LRRC27: variants seen among roughly 807,000 people sequenced by gnomAD.
The protein encoded by LRRC27 is leucine-rich repeat-containing protein 27.
A neutral mutation model predicts 55.0 loss-of-function variants in LRRC27; 57 were observed. The observed-to-expected ratio is 1.04, with a 90% CI of 0.84 to 1.29. LRRC27 has a LOEUF of 1.29. LRRC27 is among the 50% of genes most tolerant of loss of function. The pLI is 0.00. For synonymous variants in LRRC27, 278 were observed against 251.9 expected, an observed-to-expected ratio of 1.10 and a Z score of -0.98; for missense variants, 721 against 651.5, an observed-to-expected ratio of 1.11 and a Z score of -1.16.
rs140703077 is a variant in LRRC27, at chr10:132,344,589, C to T, written c.492C>T (p.Ile164=). The T allele has an allele frequency of 7.4e-6, 12 of 1,614,070 alleles. No individual in the cohort carries two copies. Among genetic ancestry groups the T allele is most frequent in the Admixed American group, 5.0e-5 (3 of 60,006 alleles). ...TTGTGCAGAAGGGATTGGTGGCTAT[C>T]CAGCGCTTCCTGCGGATGTGGGCAG... ...QLVVQKGLVA[I]QRFLRMWAVE... is the part of the protein sequence containing the mutation. The change falls in exon 5 of 11, where the codon ATC becomes ATT. Residue 164 remains isoleucine, a synonymous_variant. Coordinates refer to ENST00000368614, the MANE Select transcript of LRRC27 (RefSeq NM_030626.3).
Position 132,348,216 on chromosome 10 carries a change from T to C in LRRC27, c.786T>C (p.Phe262=), listed in dbSNP as rs1460599330. The change falls in exon 6 of 11, where the codon TTT becomes TTC. Residue 262 remains phenylalanine, a synonymous_variant. Transcript: ENST00000368614. The surrounding 1 kb of genome is among the most constrained non-coding windows in gnomAD (Gnocchi z 4.2). ...NWPSEEEIRR[F]WKLRQEIVEH... Reference sequence around the variant, plus strand: ...CCAGCGAGGAGGAGATCAGGCGCTTTTGGAAGCTGAGGCAGGAGATTGTTG... The same window carrying C: ...CCAGCGAGGAGGAGATCAGGCGCTTCTGGAAGCTGAGGCAGGAGATTGTTG... 36 of 1,613,848 alleles carry C rather than the reference T, an allele frequency of 2.2e-5. No homozygotes were observed. Among genetic ancestry groups the C allele is most frequent in the Non-Finnish European group, 3.1e-5 (36 of 1,180,028 alleles).
chr10:132,351,456 C>G, intron 6 of LRRC27, 151 bp from the exon 7 acceptor site: 1 of 849,726 alleles, frequency 1.2e-6, no homozygotes, highest in Non-Finnish European at 1.9e-6. Flanking sequence ...ACAGTCAAGA[C>G]TGGACTCTGG....
chr10:132,346,499 AC>A (rs942628301), intron 5 of LRRC27, among the ~76,000 whole-genome samples: 77 of 152,216 alleles, frequency 5.1e-4, no homozygotes, highest in African/African-American at 1.6e-3. Context: ...ACATGGTGAA[AC>A]CCTGTCTCTA....
chr10:132,348,048 A>G lies in LRRC27; in HGVS notation c.618A>G (p.Gly206=). The G allele has an allele frequency of 6.2e-7, 1 of 1,613,826 alleles. No individual in the cohort carries two copies. The highest frequency in any genetic ancestry group is 8.5e-7 in the Non-Finnish European group (1 of 1,180,018). ...CGAGCCCAGGACTGGAGTTGTCTGG[A>G]GACCACGCGTCTAACCAAGGAGCTG... ...DLPSPGLELS[G]DHASNQGAVN... Residue 206 remains glycine (G), a synonymous_variant, in exon 6 of 11, where the codon GGA becomes GGG. Transcript: ENST00000368614. This position sits in a 1 kb window ranked among gnomAD's most constrained non-coding sequence, Gnocchi z 4.2.
intron 10 of LRRC27, among the ~76,000 whole-genome samples, chr10:132,371,798 C>T (rs1020187688): frequency 6.6e-6 from 1 of 152,224 alleles, no homozygotes; most frequent in Admixed American, 6.5e-5. Flanking sequence ...GGAGCAGGGG[C>T]AGCCACCTCA....
intron 9 of LRRC27, 140 bp from the exon 10 acceptor site, chr10:132,365,284 T>G (rs1434367023): frequency 4.3e-6 from 5 of 1,172,392 alleles, no homozygotes; most frequent in Non-Finnish European, 6.2e-6. Context: ...CCACAGTAAC[T>G]GGCACAGCTG....
chr10:132,331,810 A>G (rs11146335), upstream of LRRC27: 611,541 of 1,582,066 alleles, frequency 0.39, 122,932 homozygotes, highest in African/African-American at 0.56. Flanking sequence ...TTGCCCGTCG[A>G]CCACCACCCC....
chr10:132,337,844 G>C, intron 3 of LRRC27, 149 bp downstream of exon 3: 1 of 875,840 alleles, frequency 1.1e-6, no homozygotes, highest in Non-Finnish European at 1.7e-6. Context: ...AAGAGGTTGC[G>C]ACGGCTGAAT....
At chr10:132,347,677 C>T (rs1218583139) in intron 5 of LRRC27, among the ~76,000 whole-genome samples, 2 of 138,436 alleles carry the variant, frequency 1.4e-5, no homozygotes, top group African/African-American at 2.8e-5. Context: ...GGGTCAGGTG[C>T]GCCCGGTGGT....
chr10:132,364,786 CCACACTCACACCCACCCACACT>C (rs1339715954), intron 9 of LRRC27, among the ~76,000 whole-genome samples: 2 of 118,756 alleles, frequency 1.7e-5, no homozygotes, highest in South Asian at 5.0e-4. Context: ...ACCTCCACGC[CCACACTCACACCCACCCACACT>C]TACACCCACC....
At chr10:132,371,343 C>T (rs1000022984) in intron 10 of LRRC27, among the ~76,000 whole-genome samples, 1 of 152,212 alleles carries the variant, frequency 6.6e-6, no homozygotes, top group Admixed American at 6.5e-5. Context: ...ATTAGAGGAC[C>T]AGGGTGGACG....
At chr10:132,336,820 TATA>T (rs1156715391) in intron 2 of LRRC27, 2 of 762,406 alleles carry the variant, frequency 2.6e-6, no homozygotes, top group Admixed American at 1.9e-5. Flanking sequence ...TATAAATACA[TATA>T]ATAATGTGAG....
At chr10:132,359,901 T>C (rs1177377848) in intron 8 of LRRC27, among the ~76,000 whole-genome samples, 1 of 152,212 alleles carries the variant, frequency 6.6e-6, no homozygotes, top group African/African-American at 2.4e-5. Flanking sequence ...GGCAGCCTGT[T>C]GTAGACTTCG....
In LRRC27 at chr10:132,351,596, T is replaced by C. The variant is rs1306793186; in HGVS notation, c.927-11T>C. The C allele has an allele frequency of 8.7e-6, 14 of 1,609,406 alleles. No homozygotes were observed. In the Admixed American group the frequency reaches 2.1e-4, roughly 24 times the overall value. On this transcript the variant is annotated splice_polypyrimidine_tract_variant and intron_variant, in intron 6 of 10. Transcript: ENST00000368614. ...GTTAAACATTCAGCTAAAAACACTC[T>C]GTAATTTTAGAAGGAAGACAGCCTC...
rs1220961544 is a variant in LRRC27 at position 132,352,618 on chromosome 10, G to A, written c.1073+865G>A. Among the ~76,000 whole-genome samples the A allele has an allele frequency of 5.9e-5, 7 of 118,448 alleles. 1 individual carries two copies. Among genetic ancestry groups the A allele is most frequent in the Non-Finnish European group, 1.2e-4 (7 of 59,214 alleles). 77.7% of individuals were successfully genotyped at this position (118,448 alleles called of 152,430 possible). A position where few individuals can be genotyped will look rare whatever the true frequency, so the allele number is the denominator to read the frequency against. Reference sequence around the variant, plus strand: ...GCTGAGGCCTCCGTGTGGGGCAGGCGCAGGTGCAGCGCTCCGTGTGGGGCA... The same window carrying A: ...GCTGAGGCCTCCGTGTGGGGCAGGCACAGGTGCAGCGCTCCGTGTGGGGCA... On this transcript the variant is annotated intron_variant, in intron 7 of 10. Coordinates refer to ENST00000368614, the MANE Select transcript of LRRC27 (RefSeq NM_030626.3).
At position 132,361,452 on chromosome 10, in the gene LRRC27, C is replaced by T; in HGVS notation, c.1171-5C>T. On this transcript the variant is annotated splice_region_variant and splice_polypyrimidine_tract_variant and intron_variant, in intron 8 of 10. Coordinates refer to ENST00000368614, the MANE Select transcript of LRRC27 (RefSeq NM_030626.3). ...TCCAGAAATCATCTTGTTGCATTTT[C>T]CTAGGTGGCATCAAAGATTCCCTCT... 5.0e-6 allele frequency: 8 copies of T among 1,599,988 alleles called. No homozygotes were observed. Among genetic ancestry groups the T allele is most frequent in the Non-Finnish European group, 6.9e-6 (8 of 1,167,358 alleles).
rs1564853564 is a variant in LRRC27 at position 132,364,474 on chromosome 10, C to CATCT, written c.1290-949_1290-948insTCTA. Among the ~76,000 whole-genome samples, 118 of 109,454 alleles carry CATCT rather than the reference C, an allele frequency of 1.1e-3. 2 individuals carry two copies. Among genetic ancestry groups the CATCT allele is most frequent in the African/African-American group, 1.4e-3 (30 of 20,838 alleles). The allele number at this position is 109,454 out of a possible 152,430, so 71.8% of individuals were successfully genotyped here. On this transcript the variant is annotated intron_variant, in intron 9 of 10. Transcript: ENST00000368614. ...CCACACTCACACCCACCCACACTTA[C>CATCT]ACCCACCCACACTTACACCCACCCT...
intron 1 of LRRC27, chr10:132,332,496 G>A (rs1324610158): frequency 6.6e-6 from 1 of 152,270 alleles, no homozygotes; most frequent in African/African-American, 2.4e-5. Flanking sequence ...CTTGAAGGCA[G>A]CCTCGGAAAC....
rs1467309335 is a variant in LRRC27, at chr10:132,372,334, A to G, written c.1417-2732A>G. 6.6e-6 allele frequency among the ~76,000 whole-genome samples: 1 copy of G among 152,248 alleles called. No individual in the cohort carries two copies. Among genetic ancestry groups the G allele is most frequent in the Non-Finnish European group, 1.5e-5 (1 of 68,052 alleles). On this transcript the variant is annotated intron_variant, in intron 10 of 10. Transcript: ENST00000368614. The surrounding 1 kb of genome is among the most constrained non-coding windows in gnomAD (Gnocchi z 4.0). ...GCAATCCCAGCACTTTGGGAGGCCA[A>G]GGCAGGTGAATCACCTGAGGTCAGG...
Sources: allele counts gnomAD v4.1 joint callset (sites outside exome capture counted in the v4.1 genomes callset), GRCh38; gene constraint gnomAD v4.1.1; non-coding constraint Gnocchi (gnomAD v3.1); transcripts MANE v1.5; gene names NCBI Gene and HGNC (gene_info 2026-07-23, HGNC 2026-07-21).